The following DLGAP2 variants were observed in gnomAD, a reference collection of about 807,000 sequenced individuals.
DLGAP2 encodes the protein DLG associated protein 2.
Under a neutral mutation model 100.3 loss-of-function variants are expected in DLGAP2, and 26 were observed. That is an observed-to-expected ratio of 0.26 (90% CI 0.19 to 0.36). DLGAP2 has a LOEUF of 0.36. Ranked by LOEUF, DLGAP2 falls within the 10% of genes least tolerant of loss-of-function variation. The pLI is 1.00. For missense variants in DLGAP2, 1,858 were observed against 1,453.2 expected (o/e 1.28, Z -4.53); for synonymous variants, 886 against 630.1 (o/e 1.41, Z -6.08).
chr8:1,337,504 ATGATGATGGTGATGC>A (rs1247758834), intron 3 of DLGAP2, among the ~76,000 whole-genome samples: 234 of 148,130 alleles, frequency 1.6e-3, no homozygotes, highest in Non-Finnish European at 2.3e-3. Flanking sequence ...GGTGATGAGG[ATGATGATGGTGATGC>A]TGATGATAGT....
intron 12 of DLGAP2, among the ~76,000 whole-genome samples, chr8:1,679,979 C>CAAAAAAAAAAAAAAAAAAAAAAAAAAA (rs760100523): frequency 3.1e-5 from 2 of 63,528 alleles, no homozygotes; most frequent in Admixed American, 2.0e-4. Context: ...GACTCTGTCT[C>CAAAAAAAAAAAAAAAAAAAAAAAAAAA]AAAAAAAAAA....
chr8:932,865 T>C (rs183228719), intron 2 of DLGAP2, among the ~76,000 whole-genome samples: 2 of 152,324 alleles, frequency 1.3e-5, no homozygotes, highest in Non-Finnish European at 1.5e-5. Flanking sequence ...ACCAACAGTT[T>C]GAAAAAGATC....
chr8:1,384,348 C>G (rs1796166253), intron 3 of DLGAP2, among the ~76,000 whole-genome samples: 1 of 149,596 alleles, frequency 6.7e-6, no homozygotes, highest in African/African-American at 2.4e-5. Flanking sequence ...GTGCCCGGCC[C>G]CTGAGAACTT....
chr8:1,617,710 A>C (rs1421258504), intron 6 of DLGAP2, among the ~76,000 whole-genome samples: 2 of 152,212 alleles, frequency 1.3e-5, no homozygotes, highest in Non-Finnish European at 2.9e-5. Context: ...GAAGCTCTTA[A>C]GTTTAATTAG....
At chr8:1,326,116 C>G (rs1213584123) in intron 3 of DLGAP2, among the ~76,000 whole-genome samples, 1 of 152,132 alleles carries the variant, frequency 6.6e-6, no homozygotes, top group Non-Finnish European at 1.5e-5. Flanking sequence ...GGTTTCTTGA[C>G]TTGCTATGGT....
chr8:1,073,990 T>C (rs557424493), intron 2 of DLGAP2, among the ~76,000 whole-genome samples: 2 of 149,688 alleles, frequency 1.3e-5, no homozygotes, highest in Admixed American at 1.3e-4. Flanking sequence ...GGAGTCACTG[T>C]AACAGAAGGG....
intron 1 of DLGAP2, among the ~76,000 whole-genome samples, chr8:763,068 A>G (rs1430014365): frequency 6.6e-6 from 1 of 150,488 alleles, no homozygotes; most frequent in Non-Finnish European, 1.5e-5. Flanking sequence ...GGATTGGAGA[A>G]AAAAAAAAAG....
At chr8:1,637,957 A>G (rs1050587347) in intron 8 of DLGAP2, among the ~76,000 whole-genome samples, 1 of 152,180 alleles carries the variant, frequency 6.6e-6, no homozygotes, top group African/African-American at 2.4e-5. Flanking sequence ...ACCCAGGGAG[A>G]GGGAGGTGCC....
At chr8:1,435,223 T>A (rs1399471273) in intron 3 of DLGAP2, among the ~76,000 whole-genome samples, 3 of 152,124 alleles carry the variant, frequency 2.0e-5, no homozygotes, top group Admixed American at 2.0e-4. Context: ...TTTTGTAGAT[T>A]TTGGGGTGGT....
At chr8:1,100,798 T>TA (rs1804553445) in intron 2 of DLGAP2, among the ~76,000 whole-genome samples, 1 of 152,204 alleles carries the variant, frequency 6.6e-6, no homozygotes, top group Non-Finnish European at 1.5e-5. Context: ...AGAAACCGTG[T>TA]GTTCTGTAGA....
intron 3 of DLGAP2, among the ~76,000 whole-genome samples, chr8:1,433,099 C>T (rs981218898): frequency 3.9e-5 from 6 of 152,196 alleles, no homozygotes. Context: ...TGCCGAGCCA[C>T]ACGTCCCCAG....
rs184784982 is a variant in DLGAP2, at chr8:905,457, C to A, written c.19-2455C>A. Among the ~76,000 whole-genome samples, 79 of 152,284 alleles carry A rather than the reference C, an allele frequency of 5.2e-4. 1 individual carries two copies. The East Asian group carries it at 0.014, about 27-fold the overall frequency. On this transcript the variant is annotated intron_variant, in intron 1 of 14. Coordinates refer to ENST00000637795, the MANE Select transcript of DLGAP2 (RefSeq NM_001346810.2). ...TGGTGACTCTCAAGCGATTCCCCCC[C>A]CACAGCCCTTTTTCAAATCGAACAG... is the stretch of plus-strand genomic sequence containing the variant.
At chr8:1,097,746 C>T (rs1460410737) in intron 2 of DLGAP2, among the ~76,000 whole-genome samples, 1 of 136,970 alleles carries the variant, frequency 7.3e-6, no homozygotes, top group Non-Finnish European at 1.6e-5. Context: ...AGCTGGGAGC[C>T]TAGGGCAGGC....
intron 3 of DLGAP2, among the ~76,000 whole-genome samples, chr8:1,323,374 A>G (rs1429324371): frequency 2.0e-5 from 3 of 152,144 alleles, no homozygotes; most frequent in Non-Finnish European, 4.4e-5. Context: ...CACGATGCAC[A>G]TCCTCCGGGA....
At chr8:1,492,667 C>G (rs938360997) in intron 3 of DLGAP2, among the ~76,000 whole-genome samples, 3 of 152,360 alleles carry the variant, frequency 2.0e-5, no homozygotes, top group Admixed American at 6.5e-5. Flanking sequence ...GACCCCTCCT[C>G]ACAGCCGGAG....
intron 1 of DLGAP2, among the ~76,000 whole-genome samples, chr8:855,317 T>G (rs1315373928): frequency 6.7e-6 from 1 of 148,962 alleles, no homozygotes; most frequent in Non-Finnish European, 1.5e-5. Flanking sequence ...TTAATTCATG[T>G]GCTCCCAGCG....
At chr8:1,669,502 C>G (rs878884370) in intron 9 of DLGAP2, among the ~76,000 whole-genome samples, 1 of 152,250 alleles carries the variant, frequency 6.6e-6, no homozygotes, top group South Asian at 2.1e-4. Context: ...CCTCTGCCAA[C>G]ACGGCCCACC....
intron 1 of DLGAP2, among the ~76,000 whole-genome samples, chr8:772,840 G>A (rs1374927239): frequency 1.3e-5 from 2 of 152,122 alleles, no homozygotes; most frequent in African/African-American, 4.8e-5. Flanking sequence ...TCCGCTGAAC[G>A]GTGTACATCA....
intron 1 of DLGAP2, among the ~76,000 whole-genome samples, chr8:861,257 A>AGGAGCTGCGTATCTG (rs1449512086): frequency 4.0e-4 from 61 of 152,310 alleles, no homozygotes; most frequent in African/African-American, 1.3e-3. Context: ...CACGGGAGCT[A>AGGAGCTGCGTATCTG]GGAGCTGCGT....
Sources: allele counts gnomAD v4.1 joint callset (sites outside exome capture counted in the v4.1 genomes callset), GRCh38; gene constraint gnomAD v4.1.1; transcripts MANE v1.5; gene names NCBI Gene and HGNC (gene_info 2026-07-23, HGNC 2026-07-21).